Variants in TNFSF12 observed in about 807,000 individuals in gnomAD.
The protein encoded by TNFSF12 is TNF superfamily member 12.
In TNFSF12, 16 loss-of-function variants were observed where a neutral mutation model predicts 31.2. That is an observed-to-expected ratio of 0.51 (90% CI 0.35 to 0.78). The LOEUF (loss-of-function observed/expected upper bound fraction) is 0.78. Among genes scored for constraint, TNFSF12 ranks in the 30% least tolerant of loss-of-function variants. The pLI is 0.01. For missense variants in TNFSF12, 324 were observed against 338.8 expected (o/e 0.96, Z 0.34); for synonymous variants, 150 against 151.4 (o/e 0.99, Z 0.07).
In TNFSF12 at chr17:7,557,256, G is replaced by A. The variant is rs3803799; in HGVS notation, c.656G>A (p.Arg219Gln). The stretch of plus-strand genomic sequence containing the variant: ...CAGGTGTCTGGGCTGTTGGCCCTGC[G>A]GCCAGGGTCCTCCCTGCGGATCCGC... Reference protein sequence around the residue: ...LCQVSGLLALRPGSSLRIRTL... With the variant: ...LCQVSGLLALQPGSSLRIRTL... The change falls in exon 7 of 7, where the codon CGG (arginine) becomes CAG (glutamine). Residue 219 changes from arginine to glutamine, a missense_variant. By Grantham distance (43) the Arg-to-Gln change is conservative. Transcript: ENST00000293825. This position sits in a 1 kb window ranked among gnomAD's most constrained non-coding sequence, Gnocchi z 5.2. The A allele has an allele frequency of 5.0e-6, 8 of 1,613,660 alleles. No individual in the cohort carries two copies. In the East Asian group the frequency reaches 1.3e-4, roughly 27 times the overall value.
At chr17:7,555,269 C>T (rs756316892) in intron 5 of TNFSF12, among the ~76,000 whole-genome samples, 2 of 152,150 alleles carry the variant, frequency 1.3e-5, no homozygotes, top group Non-Finnish European at 2.9e-5. Flanking sequence ...CCCTGCATCG[C>T]AAGGTGCCGC....
At chr17:7,556,394 G>A (rs2071066713) in intron 5 of TNFSF12, among the ~76,000 whole-genome samples, 1 of 152,008 alleles carries the variant, frequency 6.6e-6, no homozygotes. Context: ...TGGACAATTG[G>A]GTTTCATTTT....
At chr17:7,552,817 T>C (rs1386538320) in intron 5 of TNFSF12, among the ~76,000 whole-genome samples, 1 of 152,114 alleles carries the variant, frequency 6.6e-6, no homozygotes, top group East Asian at 1.9e-4. Flanking sequence ...GAGAAACCAC[T>C]GTTTCAAGGA....
At position 7,550,109 on chromosome 17, in the gene TNFSF12, A is replaced by G. The variant is rs772743902; in HGVS notation, c.208-11A>G. Reference sequence around the variant, plus strand: ...GGAGTCTGTGGTTGAACCCTGCCCTAATTCCCCTAGGAACTGAATCCCCAG... The same window carrying G: ...GGAGTCTGTGGTTGAACCCTGCCCTGATTCCCCTAGGAACTGAATCCCCAG... On this transcript the variant is annotated splice_polypyrimidine_tract_variant and intron_variant, in intron 2 of 6. Coordinates refer to ENST00000293825, the MANE Select transcript of TNFSF12 (RefSeq NM_003809.3). The surrounding 1 kb of genome is among the most constrained non-coding windows in gnomAD (Gnocchi z 4.4). The G allele has an allele frequency of 1.9e-6, 3 of 1,613,934 alleles. No homozygotes were observed. The highest frequency in any genetic ancestry group is 2.2e-5 in the South Asian group (2 of 91,076).
Position 7,549,724 on chromosome 17 carries a change from C to A in TNFSF12, c.207+203C>A. 1 of 853,468 alleles carries A rather than the reference C, an allele frequency of 1.2e-6. No homozygotes were observed. Among genetic ancestry groups the A allele is most frequent in the Non-Finnish European group, 1.7e-6 (1 of 578,788 alleles). 52.9% of individuals were successfully genotyped at this position (853,468 alleles called of 1,614,324 possible). On this transcript the variant is annotated intron_variant, in intron 2 of 6. Coordinates refer to ENST00000293825, the MANE Select transcript of TNFSF12 (RefSeq NM_003809.3). This position sits in a 1 kb window ranked among gnomAD's most constrained non-coding sequence, Gnocchi z 4.1. ...GTGAGGGGTTTGTGCTGGGGTTGTG[C>A]CACCTGAGTCTGAGGTGTTTATTGG...
intron 5 of TNFSF12, among the ~76,000 whole-genome samples, chr17:7,556,465 AAAT>A (rs2150908726): frequency 6.6e-6 from 1 of 152,344 alleles, no homozygotes; most frequent in Non-Finnish European, 1.5e-5. Context: ...TAAAAGAAGC[AAAT>A]AATATAGATA....
Position 7,549,455 on chromosome 17 carries a change from GCTC to G in TNFSF12, c.160-17_160-15del. On this transcript the variant is annotated splice_polypyrimidine_tract_variant and intron_variant, in intron 1 of 6. Transcript: ENST00000293825. The surrounding 1 kb of genome is among the most constrained non-coding windows in gnomAD (Gnocchi z 4.1). ...GTCAGGTGGAGCGGCACAGGGTGAC[GCTC>G]CCTCCTTCCCAGCAGGAGCCTGCCC... is the stretch of plus-strand genomic sequence containing the variant. 2.7e-6 allele frequency: 4 copies of G among 1,502,926 alleles called. No individual in the cohort carries two copies. The Admixed American group carries it at 6.3e-5, about 24-fold the overall frequency. 93.1% of individuals were successfully genotyped at this position (1,502,926 alleles called of 1,614,324 possible). A position where few individuals can be genotyped will look rare whatever the true frequency, so the allele number is the denominator to read the frequency against.
chr17:7,551,056 C>T (rs2070996683), intron 5 of TNFSF12, 78 bp downstream of exon 5: 4 of 1,604,636 alleles, frequency 2.5e-6, no homozygotes, highest in African/African-American at 1.3e-5. Flanking sequence ...CCACTCCCTT[C>T]CCGGCCATCA....
intron 5 of TNFSF12, among the ~76,000 whole-genome samples, chr17:7,556,417 T>C (rs1271383305): frequency 6.6e-6 from 1 of 152,212 alleles, no homozygotes; most frequent in African/African-American, 2.4e-5. Flanking sequence ...TATTTTTAGT[T>C]GTACTAATTC....
intron 5 of TNFSF12, among the ~76,000 whole-genome samples, chr17:7,553,064 T>A (rs12601581): frequency 0.56 from 60,880 of 109,492 alleles, 18,723 homozygotes; most frequent in Middle Eastern, 0.69. Context: ...TTTTTTTTTG[T>A]GACAGAGTTT....
chr17:7,549,380 G>A lies in TNFSF12; in HGVS notation c.159+68G>A, dbSNP rs559275472. 8.5e-6 allele frequency: 12 copies of A among 1,410,204 alleles called. No individual in the cohort carries two copies. The African/African-American group carries it at 1.0e-4, about 12-fold the overall frequency. 87.4% of individuals were successfully genotyped at this position (1,410,204 alleles called of 1,614,324 possible). On this transcript the variant is annotated intron_variant, in intron 1 of 6. Coordinates refer to ENST00000293825, the MANE Select transcript of TNFSF12 (RefSeq NM_003809.3). The surrounding 1 kb of genome is among the most constrained non-coding windows in gnomAD (Gnocchi z 4.1). Reference sequence around the variant, plus strand: ...TGAGACTGCAGAGGGGCCGCTGGGGGCCGCGTGGGCTGAAGGCAAGGGGAA... The same window carrying A: ...TGAGACTGCAGAGGGGCCGCTGGGGACCGCGTGGGCTGAAGGCAAGGGGAA...
At position 7,557,070 on chromosome 17, in the gene TNFSF12, C is replaced by T; in HGVS notation, c.499-29C>T. 1 of 1,594,032 alleles carries T rather than the reference C, an allele frequency of 6.3e-7. No individual in the cohort carries two copies. The highest frequency in any genetic ancestry group is 8.6e-7 in the Non-Finnish European group (1 of 1,166,934). ...AATTGAGGCGAGGGCAGGCAGAGGC[C>T]TGGACTCGGCCTGTTGTCCCCACCC... On this transcript the variant is annotated intron_variant, in intron 6 of 6. Transcript: ENST00000293825. The surrounding 1 kb of genome is among the most constrained non-coding windows in gnomAD (Gnocchi z 5.2).
At position 7,556,830 on chromosome 17, in the gene TNFSF12, C is replaced by A; in HGVS notation, c.426C>A (p.Ser142Arg). 6.4e-7 allele frequency: 1 copy of A among 1,561,428 alleles called. No individual in the cohort carries two copies. Among genetic ancestry groups the A allele is most frequent in the South Asian group, 1.2e-5 (1 of 84,428 alleles). The stretch of plus-strand genomic sequence containing the variant: ...AGGAAGCCAGAATCAACAGCTCCAG[C>A]CCTCTGCGCTACAACCGCCAGATCG... ...GWEEARINSS[S>R]PLRYNRQIGE... The change falls in exon 6 of 7, where the codon AGC becomes AGA. Residue 142 changes from serine to arginine, a missense_variant. Coordinates refer to ENST00000293825, the MANE Select transcript of TNFSF12 (RefSeq NM_003809.3).
intron 5 of TNFSF12, 109 bp downstream of exon 5, chr17:7,551,087 A>G: frequency 2.6e-6 from 4 of 1,564,786 alleles, no homozygotes; most frequent in Non-Finnish European, 1.7e-6. Flanking sequence ...CACAGAAGCC[A>G]GTTCATGAAG....
chr17:7,557,275 G>T lies in TNFSF12; in HGVS notation c.675G>T (p.Arg225=). The change falls in exon 7 of 7, where the codon CGG becomes CGT. Residue 225 remains arginine (R), a synonymous_variant. Transcript: ENST00000293825. The surrounding 1 kb of genome is among the most constrained non-coding windows in gnomAD (Gnocchi z 5.2). ...LLALRPGSSL[R]IRTLPWAHLK... is the part of the protein sequence containing the mutation. ...CCCTGCGGCCAGGGTCCTCCCTGCGGATCCGCACCCTCCCCTGGGCCCATC... is the reference window on the plus strand; with the variant it reads ...CCCTGCGGCCAGGGTCCTCCCTGCGTATCCGCACCCTCCCCTGGGCCCATC... 1.2e-6 allele frequency: 2 copies of T among 1,613,788 alleles called. No individual in the cohort carries two copies. Among genetic ancestry groups the T allele is most frequent in the Non-Finnish European group, 1.7e-6 (2 of 1,179,932 alleles).
chr17:7,549,650 T>A lies in TNFSF12; in HGVS notation c.207+129T>A. On this transcript the variant is annotated intron_variant, in intron 2 of 6. Transcript: ENST00000293825. This position sits in a 1 kb window ranked among gnomAD's most constrained non-coding sequence, Gnocchi z 4.1. ...GCAGGGTGTGTGTGAACACAGTGCGTGCATGGGTGCGTGTCTGCAGGGGTG... is the reference window on the plus strand; with the variant it reads ...GCAGGGTGTGTGTGAACACAGTGCGAGCATGGGTGCGTGTCTGCAGGGGTG... The A allele has an allele frequency of 7.3e-7, 1 of 1,361,960 alleles. No homozygotes were observed. The highest frequency in any genetic ancestry group is 9.7e-7 in the Non-Finnish European group (1 of 1,031,176). The allele number at this position is 1,361,960 out of a possible 1,614,324, so 84.4% of individuals were successfully genotyped here. A position where few individuals can be genotyped will look rare whatever the true frequency, so the allele number is the denominator to read the frequency against.
intron 5 of TNFSF12, among the ~76,000 whole-genome samples, chr17:7,552,977 G>A (rs1365466707): frequency 1.3e-5 from 2 of 149,878 alleles, no homozygotes; most frequent in Admixed American, 1.3e-4. Context: ...AGTGTGCATT[G>A]GGTTGAGAAG....
intron 5 of TNFSF12, among the ~76,000 whole-genome samples, chr17:7,551,789 T>C (rs1295722685): frequency 6.6e-6 from 1 of 152,144 alleles, no homozygotes; most frequent in Non-Finnish European, 1.5e-5. Flanking sequence ...AGATGACTTC[T>C]AGATTTTTTA....
rs1567723293 is a variant in TNFSF12, at chr17:7,557,432, C to G, written c.*82C>G. 17 of 1,495,130 alleles carry G rather than the reference C, an allele frequency of 1.1e-5. No homozygotes were observed. Among genetic ancestry groups the G allele is most frequent in the Non-Finnish European group, 1.5e-5 (17 of 1,125,080 alleles). 92.6% of individuals were successfully genotyped at this position (1,495,130 alleles called of 1,614,324 possible). A position where few individuals can be genotyped will look rare whatever the true frequency, so the allele number is the denominator to read the frequency against. On this transcript the variant is annotated 3_prime_UTR_variant, in exon 7 of 7. Coordinates refer to ENST00000293825, the MANE Select transcript of TNFSF12 (RefSeq NM_003809.3). The surrounding 1 kb of genome is among the most constrained non-coding windows in gnomAD (Gnocchi z 5.2). ...TGGGCACCCGGTCCCCTCTGCCCCA[C>G]CCTCAGCCGCTCTTTGCTCCAGACC... is the stretch of plus-strand genomic sequence containing the variant.
Sources: gnomAD v4.1 joint callset for allele counts (sites outside exome capture counted in the v4.1 genomes callset) on GRCh38, gnomAD v4.1.1 for gene constraint, Gnocchi (gnomAD v3.1) non-coding constraint, MANE v1.5 for transcripts, NCBI Gene and HGNC (gene_info 2026-07-23, HGNC 2026-07-21) for gene names.